The following SMAD3 variants were observed in gnomAD, a reference collection of about 807,000 sequenced individuals.
The protein encoded by SMAD3 is MAD homolog 3.
Under a neutral mutation model 51.8 loss-of-function variants are expected in SMAD3, and 12 were observed. The observed-to-expected ratio is 0.23, with a 90% CI of 0.15 to 0.38. The LOEUF (loss-of-function observed/expected upper bound fraction) is 0.38. Among genes scored for constraint, SMAD3 ranks in the 10% least tolerant of loss-of-function variants. The probability of loss-of-function intolerance (pLI) is 1.00; values close to 1 mark genes in which losing one functional copy is unlikely to be tolerated. For synonymous variants in SMAD3, 238 were observed against 227.7 expected, an observed-to-expected ratio of 1.05 and a Z score of -0.41; for missense variants, 294 against 565.6, an observed-to-expected ratio of 0.52 and a Z score of 4.87.
intron 1 of SMAD3, among the ~76,000 whole-genome samples, chr15:67,114,212 G>A (rs1961086547): frequency 6.6e-6 from 1 of 152,156 alleles, no homozygotes; most frequent in South Asian, 2.1e-4. Flanking sequence ...CCTCAGCGCT[G>A]GAGGGTCCTC....
intron 8 of SMAD3, 70 bp downstream of exon 8, chr15:67,187,579 G>C (rs1963255265): frequency 6.3e-7 from 1 of 1,582,520 alleles, no homozygotes; most frequent in African/African-American, 1.3e-5. Context: ...AGCAGGCAGG[G>C]CTCCTCAGAG....
At chr15:67,124,319 A>T (rs17214419) in intron 1 of SMAD3, among the ~76,000 whole-genome samples, 41,827 of 152,112 alleles carry the variant, frequency 0.27, 6,436 homozygotes, top group Middle Eastern at 0.37. Flanking sequence ...GGCATTGCTA[A>T]TGATTGCCCT....
rs1470169189 is a variant in SMAD3, at chr15:67,065,724, G to A, written c.-431G>A. The A allele has an allele frequency of 1.5e-5, 3 of 199,468 alleles. No homozygotes were observed. The Admixed American group carries it at 1.8e-4, about 12-fold the overall frequency. 12.4% of individuals were successfully genotyped at this position (199,468 alleles called of 1,614,324 possible). Reference sequence around the variant, plus strand: ...GTGGCGGGGCGGTGAGGCCGCAGAGGCGGAGGGATCTGCGCATCAAAGCTA... The same window carrying A: ...GTGGCGGGGCGGTGAGGCCGCAGAGACGGAGGGATCTGCGCATCAAAGCTA... On this transcript the variant is annotated 5_prime_UTR_variant, in exon 1 of 9. Coordinates refer to ENST00000327367, the MANE Select transcript of SMAD3 (RefSeq NM_005902.4).
intron 1 of SMAD3, among the ~76,000 whole-genome samples, chr15:67,090,070 G>T (rs561042983): frequency 5.3e-5 from 8 of 152,328 alleles, no homozygotes; most frequent in Admixed American, 5.2e-4. Flanking sequence ...GTGCACGAGG[G>T]GGAGGCACAC....
chr15:67,173,770 C>G (rs1157170547), intron 5 of SMAD3, among the ~76,000 whole-genome samples: 1 of 152,214 alleles, frequency 6.6e-6, no homozygotes, highest in Non-Finnish European at 1.5e-5. Flanking sequence ...TTAGACAGCT[C>G]TTCCTCTGGA....
intron 1 of SMAD3, among the ~76,000 whole-genome samples, chr15:67,104,540 C>T (rs1960834825): frequency 6.6e-6 from 1 of 152,238 alleles, no homozygotes; most frequent in South Asian, 2.1e-4. Context: ...TCGTGGCCCC[C>T]AGTAAGTGAT....
intron 1 of SMAD3, 57 bp downstream of exon 1, chr15:67,066,417 C>T (rs2140189372): frequency 2.1e-6 from 3 of 1,418,408 alleles, no homozygotes; most frequent in East Asian, 2.4e-5. Flanking sequence ...CCTGGCACTG[C>T]GGGGCCGACC....
intron 5 of SMAD3, among the ~76,000 whole-genome samples, chr15:67,171,041 A>C (rs1962738074): frequency 6.6e-6 from 1 of 152,234 alleles, no homozygotes; most frequent in Admixed American, 6.5e-5. Flanking sequence ...TTTTTCTTAA[A>C]ATAGCAACAT....
At chr15:67,098,219 CTTTG>C (rs1960656760) in intron 1 of SMAD3, among the ~76,000 whole-genome samples, 1 of 151,278 alleles carries the variant, frequency 6.6e-6, no homozygotes, top group East Asian at 1.9e-4. Context: ...GAAGCAGTTA[CTTTG>C]TTTGGGCCTC....
chr15:67,081,332 C>A (rs1428760856), intron 1 of SMAD3, among the ~76,000 whole-genome samples: 1 of 152,164 alleles, frequency 6.6e-6, no homozygotes, highest in Non-Finnish European at 1.5e-5. Flanking sequence ...CTGGAAGCGG[C>A]TTTTGAGTCT....
At chr15:67,138,008 A>G in intron 1 of SMAD3, 1 of 1,545,352 alleles carries the variant, frequency 6.5e-7, no homozygotes, top group Non-Finnish European at 8.8e-7. Context: ...CGTCCCTGTG[A>G]CCTCCCAACT....
chr15:67,193,279 C>G lies in SMAD3; in HGVS notation c.*2743C>G, dbSNP rs979821128. 1 of 233,320 alleles carries G rather than the reference C, an allele frequency of 4.3e-6. No homozygotes were observed. The highest frequency in any genetic ancestry group is 8.5e-6 in the Non-Finnish European group (1 of 118,076). 14.5% of individuals were successfully genotyped at this position (233,320 alleles called of 1,614,324 possible). Reference sequence around the variant, plus strand: ...TTAAGTGGCGTTCACCTAGTCAACACGACCGCGTGTGTTGCCCCTGCCCTG... The same window carrying G: ...TTAAGTGGCGTTCACCTAGTCAACAGGACCGCGTGTGTTGCCCCTGCCCTG... On this transcript the variant is annotated 3_prime_UTR_variant, in exon 9 of 9. Transcript: ENST00000327367.
chr15:67,172,936 C>T (rs1297028914), intron 5 of SMAD3, among the ~76,000 whole-genome samples: 1 of 152,152 alleles, frequency 6.6e-6, no homozygotes, highest in Non-Finnish European at 1.5e-5. Flanking sequence ...TGCTTGTATG[C>T]CTCTTCCTCA....
At chr15:67,179,818 G>A (rs1360966223) in intron 5 of SMAD3, among the ~76,000 whole-genome samples, 1 of 152,036 alleles carries the variant, frequency 6.6e-6, no homozygotes, top group African/African-American at 2.4e-5. Flanking sequence ...CTGAGACGTG[G>A]GCATGGGGAG....
chr15:67,077,770 G>A (rs556047504), intron 1 of SMAD3, among the ~76,000 whole-genome samples: 19 of 152,280 alleles, frequency 1.2e-4, no homozygotes, highest in African/African-American at 4.3e-4. Context: ...ACCAGACTGC[G>A]GAAGGGCCTG....
intron 5 of SMAD3, among the ~76,000 whole-genome samples, chr15:67,180,229 G>A (rs1963015516): frequency 6.6e-6 from 1 of 152,144 alleles, no homozygotes; most frequent in Non-Finnish European, 1.5e-5. Context: ...GTGTGAGTGG[G>A]AATTCCGAGG....
At chr15:67,167,105 A>G (rs1183214156) in intron 4 of SMAD3, among the ~76,000 whole-genome samples, 1 of 152,164 alleles carries the variant, frequency 6.6e-6, no homozygotes, top group African/African-American at 2.4e-5. Flanking sequence ...AAGATGCCGC[A>G]TGGCACCAGG....
intron 1 of SMAD3, among the ~76,000 whole-genome samples, chr15:67,128,992 A>C (rs962966612): frequency 2.0e-5 from 3 of 152,188 alleles, no homozygotes; most frequent in Non-Finnish European, 2.9e-5. Context: ...CAGATGCGGC[A>C]ACAGAAACTC....
chr15:67,172,880 G>C (rs993158569), intron 5 of SMAD3, among the ~76,000 whole-genome samples: 5 of 152,114 alleles, frequency 3.3e-5, no homozygotes, highest in Non-Finnish European at 7.4e-5. Flanking sequence ...TTTTACGTTG[G>C]AGACGTAAAA....
Sources: allele counts gnomAD v4.1 joint callset (sites outside exome capture counted in the v4.1 genomes callset), GRCh38; gene constraint gnomAD v4.1.1; transcripts MANE v1.5; gene names NCBI Gene and HGNC (gene_info 2026-07-23, HGNC 2026-07-21).